Variants in PPFIBP2 observed in about 807,000 individuals in gnomAD.
The protein encoded by PPFIBP2 is liprin-beta-2.
Under a neutral mutation model 118.3 loss-of-function variants are expected in PPFIBP2, and 118 were observed. The ratio of observed to expected loss-of-function variants is 1.00; its 90% CI spans 0.86 to 1.16. The LOEUF is 1.16. Among genes scored for constraint, PPFIBP2 ranks in the 50% most tolerant of loss-of-function variants. The pLI, the probability that PPFIBP2 is intolerant of heterozygous loss-of-function variation, is 0.00. For synonymous variants in PPFIBP2, 414 were observed against 397.4 expected (o/e 1.04, Z -0.50); for missense variants, 1,195 against 1,073.1 (o/e 1.11, Z -1.59).
intron 6 of PPFIBP2, among the ~76,000 whole-genome samples, chr11:7,612,389 G>A (rs111354645): frequency 0.015 from 2,345 of 152,176 alleles, 64 homozygotes; most frequent in African/African-American, 0.054. Context: ...ACCAGTCACC[G>A]CAGGGATCTG....
chr11:7,620,769 A>T (rs1849252256), intron 6 of PPFIBP2, among the ~76,000 whole-genome samples, 166 bp from the exon 7 acceptor site: 1 of 152,174 alleles, frequency 6.6e-6, no homozygotes, highest in Non-Finnish European at 1.5e-5. Flanking sequence ...TTGTTTTTTA[A>T]CGGCCATACA....
the PPFIBP2 span, chr11:7,666,528 C>T: frequency 1.2e-6 from 2 of 1,613,530 alleles, no homozygotes; most frequent in Admixed American, 1.7e-5. Context: ...AAGCTCTTTT[C>T]TGACCAAGAT....
At chr11:7,605,389 T>G (rs1013776152) in intron 5 of PPFIBP2, among the ~76,000 whole-genome samples, 1 of 152,192 alleles carries the variant, frequency 6.6e-6, no homozygotes, top group Non-Finnish European at 1.5e-5. Context: ...AGAAAAGACT[T>G]GGAACAGTTC....
chr11:7,549,608 A>AATTTT, intron 2 of PPFIBP2, 69 bp downstream of exon 2: 7 of 1,047,272 alleles, frequency 6.7e-6, no homozygotes, highest in Non-Finnish European at 8.6e-6. Flanking sequence ...CTCTCCTTTT[A>AATTTT]CTTTTTTTTT....
chr11:7,516,232 C>T (rs1368909347), intron 1 of PPFIBP2, among the ~76,000 whole-genome samples: 1 of 152,060 alleles, frequency 6.6e-6, no homozygotes, highest in Non-Finnish European at 1.5e-5. Flanking sequence ...ACAGTGGGGG[C>T]GGCGAGGCCG....
chr11:7,655,060 G>A (rs1248677924), downstream of PPFIBP2, among the ~76,000 whole-genome samples: 1 of 152,184 alleles, frequency 6.6e-6, no homozygotes, highest in Non-Finnish European at 1.5e-5. Context: ...GGTAGCAGGA[G>A]TCTAGCATCC....
intron 17 of PPFIBP2, among the ~76,000 whole-genome samples, chr11:7,645,343 G>T (rs984435461): frequency 6.6e-6 from 1 of 152,120 alleles, no homozygotes; most frequent in Admixed American, 6.5e-5. Context: ...CCATTGTGCC[G>T]ATTCGCTCAG....
At position 7,629,552 on chromosome 11, in the gene PPFIBP2, C is replaced by T; in HGVS notation, c.964+18C>T. 6.2e-7 allele frequency: 1 copy of T among 1,611,630 alleles called. No individual in the cohort carries two copies. Among genetic ancestry groups the T allele is most frequent in the East Asian group, 2.2e-5 (1 of 44,862 alleles). Reference sequence around the variant, plus strand: ...CACTCAAGGTAAGAGCAAGGGCGATCCTACCGTTGTCTCTGAAAGATATTC... The same window carrying T: ...CACTCAAGGTAAGAGCAAGGGCGATTCTACCGTTGTCTCTGAAAGATATTC... On this transcript the variant is annotated intron_variant, in intron 10 of 23. Transcript: ENST00000299492.
the PPFIBP2 span, chr11:7,665,101 G>A: frequency 0.31 from 86,057 of 276,644 alleles, 15,660 homozygotes; most frequent in Non-Finnish European, 0.38. Context: ...TTCATGGGCT[G>A]TCTGCTTTGT....
downstream of PPFIBP2, among the ~76,000 whole-genome samples, chr11:7,658,918 T>C (rs1854828052): frequency 1.8e-5 from 2 of 109,104 alleles, no homozygotes; most frequent in East Asian, 2.6e-4. Context: ...CATTTTTTCA[T>C]GTGTTTTTTG....
chr11:7,538,051 G>A (rs1851387460), intron 1 of PPFIBP2, among the ~76,000 whole-genome samples: 3 of 152,150 alleles, frequency 2.0e-5, no homozygotes, highest in African/African-American at 2.4e-5. Context: ...AGGGTGAAGC[G>A]AGCATTCAAC....
chr11:7,561,375 G>A (rs1854281952), intron 2 of PPFIBP2, among the ~76,000 whole-genome samples: 1 of 152,076 alleles, frequency 6.6e-6, no homozygotes, highest in South Asian at 2.1e-4. Flanking sequence ...CTACAAGTAG[G>A]TTTTTCAGGC....
rs1210983928 is a variant in PPFIBP2, at chr11:7,651,220, G to T, written c.2247+255G>T. ...ATTCTAGGTCGATGGGTTGCATGGA[G>T]ACCAACGCTTACAAGGCGAGGGAAC... On this transcript the variant is annotated intron_variant, in intron 22 of 23. Transcript: ENST00000299492. 26 of 392,814 alleles carry T rather than the reference G, an allele frequency of 6.6e-5. No individual in the cohort carries two copies. In the East Asian group the frequency reaches 1.0e-3, roughly 15 times the overall value. 24.3% of individuals were successfully genotyped at this position (392,814 alleles called of 1,614,324 possible). A position where few individuals can be genotyped will look rare whatever the true frequency, so the allele number is the denominator to read the frequency against.
At chr11:7,617,019 C>T in intron 6 of PPFIBP2, 1 of 649,064 alleles carries the variant, frequency 1.5e-6, no homozygotes, top group Non-Finnish European at 1.9e-6. Context: ...CTGCCCCATG[C>T]ACACTTCCTC....
At chr11:7,521,630 T>C (rs1053253163) in intron 1 of PPFIBP2, among the ~76,000 whole-genome samples, 4 of 152,230 alleles carry the variant, frequency 2.6e-5, no homozygotes, top group African/African-American at 9.7e-5. Context: ...TTTCATCACT[T>C]TATGTCTATG....
intron 1 of PPFIBP2, among the ~76,000 whole-genome samples, chr11:7,527,014 C>T (rs1850289054): frequency 6.6e-6 from 1 of 151,630 alleles, no homozygotes; most frequent in South Asian, 2.1e-4. Flanking sequence ...CAGCTGGGTT[C>T]ACAGCATCCT....
intron 1 of PPFIBP2, among the ~76,000 whole-genome samples, chr11:7,535,415 A>C (rs1851114427): frequency 6.6e-6 from 1 of 152,200 alleles, no homozygotes; most frequent in Non-Finnish European, 1.5e-5. Flanking sequence ...TCAGTGAGGA[A>C]GTGCGTCCAG....
chr11:7,571,711 G>A (rs1855668257), intron 3 of PPFIBP2: 1 of 152,162 alleles, frequency 6.6e-6, no homozygotes, highest in Admixed American at 6.5e-5. Flanking sequence ...TGACAGGTGT[G>A]AACTTGAGTG....
At chr11:7,567,103 CTCTA>C (rs761654964) in intron 3 of PPFIBP2, among the ~76,000 whole-genome samples, 8 of 152,154 alleles carry the variant, frequency 5.3e-5, no homozygotes, top group Admixed American at 2.0e-4. Flanking sequence ...CTGTACTTGA[CTCTA>C]TCAGTCTTTC....
Sources: allele counts gnomAD v4.1 joint callset (sites outside exome capture counted in the v4.1 genomes callset), GRCh38; gene constraint gnomAD v4.1.1; transcripts MANE v1.5; gene names NCBI Gene and HGNC (gene_info 2026-07-23, HGNC 2026-07-21).